The following TPRA1 variants were observed in gnomAD, a reference collection of about 807,000 sequenced individuals.
TPRA1 encodes transmembrane protein adipocyte-associated 1.
Under a neutral mutation model 40.1 loss-of-function variants are expected in TPRA1, and 28 were observed. The ratio of observed to expected loss-of-function variants is 0.70; its 90% CI spans 0.52 to 0.96. The LOEUF is 0.96. TPRA1 is among the 40% of genes least tolerant of loss of function. TPRA1 has a pLI of 0.00. For synonymous variants in TPRA1, 219 were observed against 209.7 expected, an observed-to-expected ratio of 1.04 and a Z score of -0.38; for missense variants, 441 against 482.6, an observed-to-expected ratio of 0.91 and a Z score of 0.81.
intron 1 of TPRA1, among the ~76,000 whole-genome samples, chr3:127,590,038 C>A (rs1447439274): frequency 6.6e-6 from 1 of 152,220 alleles, no homozygotes; most frequent in African/African-American, 2.4e-5. Flanking sequence ...GCACCTCGGC[C>A]GCTGCGGGCA....
upstream of TPRA1, among the ~76,000 whole-genome samples, chr3:127,594,285 C>T (rs2074221511): frequency 6.6e-6 from 1 of 152,186 alleles, no homozygotes; most frequent in African/African-American, 2.4e-5. Flanking sequence ...GCTGCTCTGA[C>T]CCACATATCT....
chr3:127,577,470 CTG>C (rs994357908), intron 3 of TPRA1, among the ~76,000 whole-genome samples: 5 of 152,218 alleles, frequency 3.3e-5, no homozygotes, highest in Non-Finnish European at 5.9e-5. Flanking sequence ...ACAAAACCTA[CTG>C]TGTTTGATTG....
chr3:127,593,378 G>A (rs549026798), upstream of TPRA1, among the ~76,000 whole-genome samples: 76 of 152,294 alleles, frequency 5.0e-4, no homozygotes, highest in Admixed American at 9.2e-4. Flanking sequence ...GACGCCAGAT[G>A]GTAGTGCTTA....
chr3:127,594,644 C>T (rs998594079), upstream of TPRA1, among the ~76,000 whole-genome samples: 12 of 152,254 alleles, frequency 7.9e-5, no homozygotes, highest in Non-Finnish European at 1.5e-4. Context: ...TCCACTGAGA[C>T]TGTAAGCAAT....
intron 1 of TPRA1, among the ~76,000 whole-genome samples, chr3:127,589,481 A>G (rs1182049061): frequency 6.6e-6 from 1 of 152,156 alleles, no homozygotes; most frequent in Non-Finnish European, 1.5e-5. Context: ...GCAGAGGCCA[A>G]GTAAGTTACT....
intron 10 of TPRA1, 159 bp downstream of exon 10, chr3:127,575,026 G>A (rs917815970): frequency 2.0e-5 from 15 of 738,582 alleles, no homozygotes; most frequent in Admixed American, 2.0e-4. Flanking sequence ...GCATGTGCAT[G>A]TGTATCTGTA....
Position 127,580,038 on chromosome 3 carries a change from C to T in TPRA1, c.109G>A (p.Asp37Asn), listed in dbSNP as rs1322450093. 6.2e-7 allele frequency: 1 copy of T among 1,613,700 alleles called. No individual in the cohort carries two copies. The highest frequency in any genetic ancestry group is 8.5e-7 in the Non-Finnish European group (1 of 1,180,024). The change falls in exon 2 of 11, where the codon GAC (aspartate) becomes AAC (asparagine). Residue 37 changes from aspartate to asparagine, a missense_variant. By Grantham distance (23) the Asp-to-Asn change is conservative. Transcript: ENST00000355552. The stretch of plus-strand genomic sequence containing the variant: ...CTGCCTCACCTGGAGGTGCCAATGT[C>T]TTCGTAGAGCAGCAGCAGGCAGCGA... ...PHRCLLLLYE[D>N]IGTSRVRYWD...
At chr3:127,575,090 T>A (rs147991025) in intron 10 of TPRA1, 95 bp downstream of exon 10, 1 of 1,395,796 alleles carries the variant, frequency 7.2e-7, no homozygotes, top group East Asian at 2.3e-5. Flanking sequence ...ACTGTATGCA[T>A]ACACAGCCTC....
chr3:127,596,090 T>G (rs1576406888), intron 1 of TPRA1, among the ~76,000 whole-genome samples: 1 of 152,222 alleles, frequency 6.6e-6, no homozygotes, highest in South Asian at 2.1e-4. Context: ...ATAATTTTTT[T>G]TTTTTTGAGA....
intron 1 of TPRA1, among the ~76,000 whole-genome samples, chr3:127,586,394 G>C (rs1358890284): frequency 1.3e-5 from 2 of 152,104 alleles, no homozygotes; most frequent in Non-Finnish European, 2.9e-5. Flanking sequence ...ACCCAGGCTA[G>C]AGTGCAGTGG....
intron 10 of TPRA1, 53 bp from the exon 11 acceptor site, chr3:127,573,841 G>C: frequency 6.6e-7 from 1 of 1,514,836 alleles, no homozygotes; most frequent in Non-Finnish European, 8.9e-7. Flanking sequence ...TTCAGGAAGA[G>C]CCTTCCTCTC....
chr3:127,596,713 G>T (rs2074245533), intron 1 of TPRA1, among the ~76,000 whole-genome samples: 1 of 152,136 alleles, frequency 6.6e-6, no homozygotes, highest in South Asian at 2.1e-4. Flanking sequence ...CCCTTAAATT[G>T]CTGGTCTTCC....
intron 1 of TPRA1, among the ~76,000 whole-genome samples, chr3:127,588,504 T>C (rs1255539174): frequency 1.4e-5 from 2 of 147,680 alleles, no homozygotes; most frequent in African/African-American, 5.0e-5. Context: ...CACTGCAACC[T>C]CCGCCTCCTG....
intron 10 of TPRA1, 82 bp downstream of exon 10, chr3:127,575,103 A>G (rs1336273163): frequency 6.7e-7 from 1 of 1,483,324 alleles, no homozygotes; most frequent in South Asian, 1.2e-5. Flanking sequence ...ACAGCCTCTC[A>G]GCTTCAATCC....
chr3:127,593,420 T>C (rs981616111), upstream of TPRA1, among the ~76,000 whole-genome samples: 3 of 152,158 alleles, frequency 2.0e-5, no homozygotes, highest in African/African-American at 7.2e-5. Flanking sequence ...GCAACTGTCA[T>C]AGGACCATCA....
intron 1 of TPRA1, among the ~76,000 whole-genome samples, chr3:127,582,977 C>G (rs775388591): frequency 1.1e-4 from 16 of 151,894 alleles, no homozygotes; most frequent in Non-Finnish European, 1.9e-4. Flanking sequence ...AACCCTGTCT[C>G]TACTAAAAAT....
upstream of TPRA1, among the ~76,000 whole-genome samples, chr3:127,592,675 G>A (rs1312164453): frequency 2.6e-5 from 4 of 152,156 alleles, no homozygotes; most frequent in African/African-American, 9.7e-5. Flanking sequence ...GTGAGCCACC[G>A]CGCCCGGCCG....
At chr3:127,585,580 T>C (rs924864634) in intron 1 of TPRA1, among the ~76,000 whole-genome samples, 1 of 152,158 alleles carries the variant, frequency 6.6e-6, no homozygotes, top group African/African-American at 2.4e-5. Flanking sequence ...CAGAGGGACT[T>C]GGGAGACCTT....
chr3:127,591,372 C>G (rs956728708), upstream of TPRA1, among the ~76,000 whole-genome samples: 1 of 152,230 alleles, frequency 6.6e-6, no homozygotes, highest in Non-Finnish European at 1.5e-5. Context: ...GGTCAAATAA[C>G]TTGACCAAAG....
Sources: gnomAD v4.1 joint callset for allele counts (sites outside exome capture counted in the v4.1 genomes callset) on GRCh38, gnomAD v4.1.1 for gene constraint, MANE v1.5 for transcripts, NCBI Gene and HGNC (gene_info 2026-07-23, HGNC 2026-07-21) for gene names.